The following TTN variants were observed in gnomAD, a reference collection of about 807,000 sequenced individuals.
The protein encoded by TTN is titin, also known as connectin.
In TTN, 1,525 loss-of-function variants were observed where a neutral mutation model predicts 3,223.0. The ratio of observed to expected loss-of-function variants is 0.47; its 90% CI spans 0.45 to 0.49. The LOEUF (loss-of-function observed/expected upper bound fraction) is 0.49, where lower values mean the gene tolerates loss of function less well. TTN is among the 20% of genes least tolerant of loss of function. The pLI is 0.00. For synonymous variants in TTN, 14,094 were observed against 15,161.0 expected (o/e 0.93, Z 5.17); for missense variants, 40,786 against 43,424.0 (o/e 0.94, Z 5.40).
In TTN at chr2:178,612,106, C is replaced by T; in HGVS notation, c.50305G>A (p.Asp16769Asn). ...AVVDVTKRHV[D>N]LKWEPPKNDG... ...TTTTTAGGTGGCTCCCACTTTAGGT[C>T]AACATGTCGTTTTGTCACATCAACC... Residue 16769 changes from aspartate (D) to asparagine (N), a missense_variant, in exon 267 of 363, where the codon GAC (aspartate) becomes AAC (asparagine). Coordinates refer to ENST00000589042, the MANE Select transcript of TTN (RefSeq NM_001267550.2). The T allele has an allele frequency of 3.7e-6, 6 of 1,611,944 alleles. No individual in the cohort carries two copies. The highest frequency in any genetic ancestry group is 5.1e-6 in the Non-Finnish European group (6 of 1,178,942).
At chr2:178,630,391 T>G (rs2059651644) in intron 238 of TTN, 24 bp from the exon 239 acceptor site, 1 of 1,576,708 alleles carries the variant, frequency 6.3e-7, no homozygotes, top group Non-Finnish European at 8.6e-7. Flanking sequence ...ACAGAAAAAC[T>G]TTCATAGAAA....
chr2:178,574,065 C>T lies in TTN; in HGVS notation c.72067G>A (p.Asp24023Asn). 2.5e-6 allele frequency: 4 copies of T among 1,613,406 alleles called. No individual in the cohort carries two copies. Among genetic ancestry groups the T allele is most frequent in the Non-Finnish European group, 3.4e-6 (4 of 1,179,516 alleles). ...ACCTTTATCTTTGGTGCCTCAACAT[C>T]ATCCCTGCAAGTGATAGCATCAGAT... Reference protein sequence around the residue: ...EPSDAITCRDDVEAPKIKVDV... With the variant: ...EPSDAITCRDNVEAPKIKVDV... The change falls in exon 326 of 363, where the codon GAT becomes AAT. Residue 24023 changes from aspartate to asparagine, a missense_variant. Physicochemically the swap from Asp to Asn is conservative, Grantham distance 23. Coordinates refer to ENST00000589042, the MANE Select transcript of TTN (RefSeq NM_001267550.2).
Position 178,651,766 on chromosome 2 carries a change from T to C in TTN, c.39380-17A>G. ...GTACGGTCACTAAAGAATTAGAAGG[T>C]ATGTTTTAGAAAGAACGAAGATTGA... On this transcript the variant is annotated splice_polypyrimidine_tract_variant and intron_variant, in intron 205 of 362. Coordinates refer to ENST00000589042, the MANE Select transcript of TTN (RefSeq NM_001267550.2). The C allele has an allele frequency of 1.2e-6, 2 of 1,612,112 alleles. No homozygotes were observed. Among genetic ancestry groups the C allele is most frequent in the South Asian group, 1.1e-5 (1 of 90,802 alleles).
At chr2:178,578,489 A>G in intron 321 of TTN, 122 bp downstream of exon 321, 1 of 762,054 alleles carries the variant, frequency 1.3e-6, no homozygotes, top group Non-Finnish European at 2.1e-6. Context: ...ATGTACTGAA[A>G]TAAAAACACA....
In TTN at chr2:178,650,213, C is replaced by G. The variant is rs2062709404; in HGVS notation, c.39768G>C (p.Lys13256Asn). The G allele has an allele frequency of 1.3e-6, 2 of 1,597,626 alleles. No individual in the cohort carries two copies. Among genetic ancestry groups the G allele is most frequent in the Non-Finnish European group, 8.5e-7 (1 of 1,171,160 alleles). The change falls in exon 210 of 363, where the codon AAG becomes AAC. Residue 13256 changes from lysine to asparagine, a missense_variant. Transcript: ENST00000589042. Reference protein sequence around the residue: ...PEEEIAPEEEKPVPVAEEEEP... With the variant: ...PEEEIAPEEENPVPVAEEEEP... ...CCTCCTCTTCTGCAACAGGAACTGG[C>G]TTTTCCTCTTCAGGAGCAATTTCCT...
intron 137 of TTN, 30 bp from the exon 138 acceptor site, chr2:178,681,201 T>TA (rs768146796): frequency 5.8e-6 from 9 of 1,561,010 alleles, no homozygotes; most frequent in Admixed American, 3.8e-5. Context: ...TAAAGAGCAT[T>TA]AAAACCAACT....
intron 169 of TTN, 52 bp from the exon 170 acceptor site, chr2:178,663,954 A>G: frequency 6.2e-7 from 1 of 1,612,684 alleles, no homozygotes; most frequent in Non-Finnish European, 8.5e-7. Flanking sequence ...ACCGCTAGAA[A>G]AAAATATTGT....
intron 10 of TTN, among the ~76,000 whole-genome samples, chr2:178,791,142 C>G (rs1456486145): frequency 6.6e-6 from 1 of 152,138 alleles, no homozygotes; most frequent in African/African-American, 2.4e-5. Flanking sequence ...GGCTGGAAAA[C>G]CATAGGCCAG....
chr2:178,731,588 C>A lies in TTN; in HGVS notation c.17183-5G>T. ...TCTTTATGAAGGATGGGGGTTCTAA[C>A]AGAAGAATGAATTCTCAATCAATAT... is the stretch of plus-strand genomic sequence containing the variant. On this transcript the variant is annotated splice_region_variant and splice_polypyrimidine_tract_variant and intron_variant, in intron 58 of 362. Transcript: ENST00000589042. The A allele has an allele frequency of 1.3e-6, 2 of 1,586,852 alleles. No homozygotes were observed. Among genetic ancestry groups the A allele is most frequent in the South Asian group, 1.2e-5 (1 of 86,804 alleles).
chr2:178,582,085 C>T lies in TTN; in HGVS notation c.66284G>A (p.Arg22095Gln), dbSNP rs745677076. Residue 22095 changes from arginine to glutamine, a missense_variant, in exon 315 of 363, where the codon CGG (arginine) becomes CAG (glutamine). Transcript: ENST00000589042. ...AGTCCAGTTAACAGCCTGGGTTTCC[C>T]GCTTTTCAAGCAAATAGCCAGTGAT... ...SPITGYLLEK[R>Q]ETQAVNWTKV... 9 of 1,613,110 alleles carry T rather than the reference C, an allele frequency of 5.6e-6. No individual in the cohort carries two copies. The highest frequency in any genetic ancestry group is 2.7e-5 in the African/African-American group (2 of 74,974).
At chr2:178,778,252 C>CCTG in intron 24 of TTN, 1 of 431,986 alleles carries the variant, frequency 2.3e-6, no homozygotes, top group Non-Finnish European at 4.2e-6. Context: ...CTCTCTTTTC[C>CCTG]TTACCACTTG....
chr2:178,553,015 C>A lies in TTN; in HGVS notation c.89885G>T (p.Gly29962Val), dbSNP rs915330974. 6.2e-7 allele frequency: 1 copy of A among 1,611,650 alleles called. No homozygotes were observed. The highest frequency in any genetic ancestry group is 1.7e-5 in the Admixed American group (1 of 59,994). The change falls in exon 335 of 363, where the codon GGA becomes GTA. Residue 29962 changes from glycine (G) to valine (V), a missense_variant. Transcript: ENST00000589042. Reference sequence around the variant, plus strand: ...AATGACATAATTAATTATTGGAGATCCTCCATCAATGAGAGGAGGATCCCA... The same window carrying A: ...AATGACATAATTAATTATTGGAGATACTCCATCAATGAGAGGAGGATCCCA... ...LLWDPPLIDGGSPIINYVIEK... is the reference protein window; with the variant it reads ...LLWDPPLIDGVSPIINYVIEK...
intron 213 of TTN, among the ~76,000 whole-genome samples, chr2:178,648,048 C>T (rs922381017): frequency 6.6e-6 from 1 of 152,090 alleles, no homozygotes; most frequent in African/African-American, 2.4e-5. Flanking sequence ...CGGATCTTGT[C>T]CAACTCTTAA....
rs771269580 is a variant in TTN, at chr2:178,651,237, A to G, written c.39625+6T>C. Reference sequence around the variant, plus strand: ...TTTTCTGCAGAATCTCATTAGTGACATGTACCTTTTGCTGGTGGGACTTCT... The same window carrying G: ...TTTTCTGCAGAATCTCATTAGTGACGTGTACCTTTTGCTGGTGGGACTTCT... On this transcript the variant is annotated splice_donor_region_variant and intron_variant, in intron 208 of 362. Coordinates refer to ENST00000589042, the MANE Select transcript of TTN (RefSeq NM_001267550.2). The G allele has an allele frequency of 6.2e-7, 1 of 1,611,806 alleles. No homozygotes were observed. Among genetic ancestry groups the G allele is most frequent in the South Asian group, 1.1e-5 (1 of 90,912 alleles).
Position 178,584,844 on chromosome 2 carries a change from C to T in TTN, c.64797G>A (p.Lys21599=), listed in dbSNP as rs2048572915. The change falls in exon 310 of 363, where the codon AAG becomes AAA. Residue 21599 remains lysine (K), a synonymous_variant. Coordinates refer to ENST00000589042, the MANE Select transcript of TTN (RefSeq NM_001267550.2). ...GSNITNYIVE[K]CDVSRGDWVT... ...CCCAGTCACCTCGGCTTACATCACA[C>T]TTCTCCACTATATAATTGGTGATGT... The T allele has an allele frequency of 6.2e-7, 1 of 1,613,278 alleles. No individual in the cohort carries two copies. Among genetic ancestry groups the T allele is most frequent in the Non-Finnish European group, 8.5e-7 (1 of 1,179,542 alleles).
At chr2:178,768,960 C>G in intron 37 of TTN, 27 bp from the exon 38 acceptor site, 2 of 1,611,492 alleles carry the variant, frequency 1.2e-6, no homozygotes, top group Non-Finnish European at 1.7e-6. Flanking sequence ...AAAAAACACC[C>G]AAGGAGACTT....
chr2:178,586,652 C>G lies in TTN; in HGVS notation c.64249G>C (p.Glu21417Gln). ...EEEQPADRWTEYSVVKDLSLV... is the reference protein window; with the variant it reads ...EEEQPADRWTQYSVVKDLSLV... ...CTCAGATCTTTTACCACTGAGTACTCTGTCCAGCGATCTGCAGGCTGCTCT... is the reference window on the plus strand; with the variant it reads ...CTCAGATCTTTTACCACTGAGTACTGTGTCCAGCGATCTGCAGGCTGCTCT... Residue 21417 changes from glutamate (E) to glutamine (Q), a missense_variant, in exon 308 of 363, where the codon GAG becomes CAG. Glu to Gln is a conservative substitution (Grantham distance 29). Coordinates refer to ENST00000589042, the MANE Select transcript of TTN (RefSeq NM_001267550.2). 6.2e-7 allele frequency: 1 copy of G among 1,613,194 alleles called. No homozygotes were observed. The highest frequency in any genetic ancestry group is 1.1e-5 in the South Asian group (1 of 91,066).
chr2:178,667,044 T>C, intron 162 of TTN, 143 bp from the exon 163 acceptor site: 1 of 921,556 alleles, frequency 1.1e-6, no homozygotes, highest in East Asian at 2.7e-5. Flanking sequence ...TTTATCTTTG[T>C]ATATTATATG....
Position 178,670,235 on chromosome 2 carries a change from C to T in TTN, c.35369G>A (p.Arg11790Lys). 6.7e-7 allele frequency: 1 copy of T among 1,487,084 alleles called. No homozygotes were observed. The highest frequency in any genetic ancestry group is 2.5e-5 in the East Asian group (1 of 39,526). 92.1% of individuals were successfully genotyped at this position (1,487,084 alleles called of 1,614,324 possible). A position where few individuals can be genotyped will look rare whatever the true frequency, so the allele number is the denominator to read the frequency against. The change falls in exon 157 of 363, where the codon AGA (arginine) becomes AAA (lysine). Residue 11790 changes from arginine to lysine, a missense_variant. Physicochemically the swap from Arg to Lys is conservative, Grantham distance 26. Transcript: ENST00000589042. ...CCAGTTACCTTTAGTTGGTGGAACT[C>T]TGGGCTCTTCAGGAACACGTACTTT... is the stretch of plus-strand genomic sequence containing the variant. ...EEKVRVPEEP[R>K]VPPTKAPEVP...
Sources: allele counts gnomAD v4.1 joint callset (sites outside exome capture counted in the v4.1 genomes callset), GRCh38; gene constraint gnomAD v4.1.1; transcripts MANE v1.5; gene names NCBI Gene and HGNC (gene_info 2026-07-23, HGNC 2026-07-21).